TAF4: variants seen among roughly 807,000 people sequenced by gnomAD.
TAF4 encodes TATA-box binding protein associated factor 4, also known as transcription initiation factor TFIID subunit 4.
A neutral mutation model predicts 90.3 loss-of-function variants in TAF4; 9 were observed. The ratio of observed to expected loss-of-function variants is 0.10; its 90% CI spans 0.06 to 0.17. TAF4 has a LOEUF of 0.17. Ranked by LOEUF, TAF4 falls within the 10% of genes least tolerant of loss-of-function variation. The pLI, the probability that TAF4 is intolerant of heterozygous loss-of-function variation, is 1.00. For missense variants in TAF4, 1,351 were observed against 1,370.7 expected (o/e 0.99, Z 0.23); for synonymous variants, 818 against 638.9 (o/e 1.28, Z -4.23).
intron 1 of TAF4, among the ~76,000 whole-genome samples, chr20:62,062,615 T>C (rs1474274341): frequency 6.6e-6 from 1 of 152,190 alleles, no homozygotes; most frequent in African/African-American, 2.4e-5. Flanking sequence ...TCACGCACAG[T>C]CAACACTCCT....
intron 1 of TAF4, among the ~76,000 whole-genome samples, chr20:62,021,201 C>T (rs2055840893): frequency 1.3e-5 from 2 of 152,186 alleles, no homozygotes; most frequent in Non-Finnish European, 2.9e-5. Context: ...GCATTTCAGA[C>T]ACACTAGGTC....
chr20:62,059,297 T>C (rs1036275355), intron 1 of TAF4, among the ~76,000 whole-genome samples: 53 of 152,342 alleles, frequency 3.5e-4, no homozygotes, highest in Middle Eastern at 3.4e-3. Flanking sequence ...GTGGACAACA[T>C]GTATCTCTTT....
At chr20:62,014,490 T>G in intron 2 of TAF4, 57 bp downstream of exon 2, 4 of 1,521,126 alleles carry the variant, frequency 2.6e-6, no homozygotes, top group South Asian at 1.3e-5. Context: ...CCAGCATGCG[T>G]GGGGAGAGGG....
In TAF4 at chr20:62,012,723, A is replaced by G. The variant is rs571921808; in HGVS notation, c.1641+92T>C. The G allele has an allele frequency of 1.5e-5, 21 of 1,355,924 alleles. No homozygotes were observed. In the Admixed American group the frequency reaches 2.3e-4, roughly 15 times the overall value. 84.0% of individuals were successfully genotyped at this position (1,355,924 alleles called of 1,614,324 possible). A position where few individuals can be genotyped will look rare whatever the true frequency, so the allele number is the denominator to read the frequency against. ...TTGACGTAGTATCCAGTTTAAAAAA[A>G]AAAAAAAACTCCTAAGGCCTGATCT... On this transcript the variant is annotated intron_variant, in intron 3 of 14. Transcript: ENST00000252996.
chr20:62,005,592 G>C (rs2055739510), intron 7 of TAF4: 1 of 152,260 alleles, frequency 6.6e-6, no homozygotes, highest in South Asian at 2.1e-4. Flanking sequence ...TCCCTCTGGA[G>C]TCAAAAGGCA....
At chr20:62,020,378 G>A (rs371151411) in intron 1 of TAF4, among the ~76,000 whole-genome samples, 2 of 152,240 alleles carry the variant, frequency 1.3e-5, no homozygotes, top group South Asian at 2.1e-4. Flanking sequence ...GGAGCCAGGC[G>A]CTGAACAGTC....
chr20:61,983,321 G>C (rs1372660860), intron 14 of TAF4, among the ~76,000 whole-genome samples: 2 of 151,220 alleles, frequency 1.3e-5, no homozygotes, highest in Non-Finnish European at 2.9e-5. Flanking sequence ...AATTAAAAGA[G>C]CAAAGAATAA....
Position 62,065,471 on chromosome 20 carries a change from G to T in TAF4, c.340C>A (p.Leu114Ile). The T allele has an allele frequency of 1.0e-6, 1 of 975,510 alleles. No homozygotes were observed. Among genetic ancestry groups the T allele is most frequent in the Non-Finnish European group, 1.2e-6 (1 of 824,166 alleles). 60.4% of individuals were successfully genotyped at this position (975,510 alleles called of 1,614,324 possible). ...RPGPPSPRRPLVPAGPAPPAA... is the reference protein window; with the variant it reads ...RPGPPSPRRPIVPAGPAPPAA... ...GGCGGCGCGGGCCCTGCGGGGACAA[G>T]GGGGCGGCGCGGTGAGGGGGGGCCC... is the stretch of plus-strand genomic sequence containing the variant. Residue 114 changes from leucine (L) to isoleucine (I), a missense_variant, in exon 1 of 15, where the codon CTT becomes ATT. By Grantham distance (5) the Leu-to-Ile change is conservative (BLOSUM62 2). Coordinates refer to ENST00000252996, the MANE Select transcript of TAF4 (RefSeq NM_003185.4).
chr20:62,022,871 C>T (rs938040223), intron 1 of TAF4, among the ~76,000 whole-genome samples: 4 of 151,786 alleles, frequency 2.6e-5, no homozygotes, highest in Non-Finnish European at 5.9e-5. Context: ...GCCCCCCCCC[C>T]GCACATTGCA....
At chr20:61,990,146 G>T (rs551109639) in intron 14 of TAF4, among the ~76,000 whole-genome samples, 13 of 152,142 alleles carry the variant, frequency 8.5e-5, no homozygotes, top group African/African-American at 3.1e-4. Context: ...TCAGCCGCAC[G>T]AGCATTTAGG....
intron 1 of TAF4, among the ~76,000 whole-genome samples, chr20:62,031,737 AG>A (rs2055905287): frequency 6.6e-6 from 1 of 152,168 alleles, no homozygotes; most frequent in Non-Finnish European, 1.5e-5. Context: ...AGTTCTTACT[AG>A]AGTAAGCACA....
At chr20:62,027,005 A>T (rs1038565677) in intron 1 of TAF4, among the ~76,000 whole-genome samples, 2 of 152,254 alleles carry the variant, frequency 1.3e-5, no homozygotes, top group African/African-American at 4.8e-5. Context: ...CTCAACAGGA[A>T]TGCTTACCCT....
chr20:61,992,644 G>T (rs1466254729), intron 14 of TAF4, among the ~76,000 whole-genome samples: 1 of 152,082 alleles, frequency 6.6e-6, no homozygotes, highest in African/African-American at 2.4e-5. Context: ...CACTGAAAAG[G>T]CCAACCCACC....
intron 1 of TAF4, among the ~76,000 whole-genome samples, chr20:62,015,990 C>G (rs1331816396): frequency 6.6e-6 from 1 of 152,218 alleles, no homozygotes; most frequent in African/African-American, 2.4e-5. Context: ...AAACCAAACA[C>G]CCAGCTGCAG....
intron 1 of TAF4, among the ~76,000 whole-genome samples, chr20:62,060,564 G>A (rs993050050): frequency 1.3e-5 from 2 of 152,256 alleles, no homozygotes; most frequent in African/African-American, 4.8e-5. Context: ...AGGGAGGAAG[G>A]GAAGACCCAG....
intron 1 of TAF4, among the ~76,000 whole-genome samples, chr20:62,018,374 T>G (rs2055824433): frequency 6.6e-6 from 1 of 152,254 alleles, no homozygotes. Context: ...GAGCTCTGTT[T>G]ACGGACAAAT....
intron 1 of TAF4, among the ~76,000 whole-genome samples, chr20:62,032,873 G>A (rs2055911954): frequency 6.6e-6 from 1 of 152,128 alleles, no homozygotes; most frequent in South Asian, 2.1e-4. Flanking sequence ...TAGAGCTTCC[G>A]ATCAATCCGA....
chr20:62,016,742 TCTC>T (rs1201205318), intron 1 of TAF4, among the ~76,000 whole-genome samples: 1 of 152,140 alleles, frequency 6.6e-6, no homozygotes, highest in Non-Finnish European at 1.5e-5. Context: ...TAGATTCATC[TCTC>T]CTATTAGTTC....
In TAF4 at chr20:62,006,970, A is replaced by C. The variant is rs1426829664; in HGVS notation, c.1975-212T>G. The C allele has an allele frequency of 1.9e-6, 1 of 526,238 alleles. No homozygotes were observed. The highest frequency in any genetic ancestry group is 2.9e-6 in the Non-Finnish European group (1 of 341,024). The allele number at this position is 526,238 out of a possible 1,614,324, so 32.6% of individuals were successfully genotyped here. A position where few individuals can be genotyped will look rare whatever the true frequency, so the allele number is the denominator to read the frequency against. ...TTATTCCTGATAGCAAATGTCCAAA[A>C]TGTGTTCAAGAAAACAAACAAAAAG... On this transcript the variant is annotated intron_variant, in intron 6 of 14. Transcript: ENST00000252996. The surrounding 1 kb of genome is among the most constrained non-coding windows in gnomAD (Gnocchi z 7.0).
Sources: gnomAD v4.1 joint callset for allele counts (sites outside exome capture counted in the v4.1 genomes callset) on GRCh38, gnomAD v4.1.1 for gene constraint, Gnocchi (gnomAD v3.1) non-coding constraint, MANE v1.5 for transcripts, NCBI Gene and HGNC (gene_info 2026-07-23, HGNC 2026-07-21) for gene names.